LSM14A: variants seen among roughly 807,000 people sequenced by gnomAD.
LSM14A encodes protein LSM14 homolog A.
LSM14A carries 14 observed loss-of-function variants against 52.4 expected under a neutral mutation model. The ratio of observed to expected loss-of-function variants is 0.27; its 90% confidence interval spans 0.18 to 0.42. The LOEUF is 0.42. LSM14A is among the 10% of genes least tolerant of loss of function. The pLI, the probability that LSM14A is intolerant of heterozygous loss-of-function variation, is 1.00. For synonymous variants in LSM14A, 185 were observed against 200.3 expected, an observed-to-expected ratio of 0.92 and a Z score of 0.64; for missense variants, 417 against 581.8, an observed-to-expected ratio of 0.72 and a Z score of 2.91.
intron 1 of LSM14A, among the ~76,000 whole-genome samples, chr19:34,187,120 A>T (rs1271138241): frequency 6.6e-6 from 1 of 151,562 alleles, no homozygotes; most frequent in Non-Finnish European, 1.5e-5. Context: ...GTAGTGGTGC[A>T]CACCTGTAGT....
chr19:34,178,552 ATCT>A (rs1164862412), intron 1 of LSM14A, among the ~76,000 whole-genome samples: 14 of 152,140 alleles, frequency 9.2e-5, no homozygotes, highest in Admixed American at 3.9e-4. Flanking sequence ...CTTACACTTA[ATCT>A]TCTTTGCTTA....
At chr19:34,201,633 G>A (rs979742275) in intron 3 of LSM14A, among the ~76,000 whole-genome samples, 9 of 152,094 alleles carry the variant, frequency 5.9e-5, no homozygotes, top group Non-Finnish European at 1.3e-4. Flanking sequence ...GAGCCACCAT[G>A]CCCAGCCAAA....
intron 6 of LSM14A, among the ~76,000 whole-genome samples, chr19:34,216,281 C>T (rs1475710660): frequency 2.6e-5 from 4 of 151,414 alleles, no homozygotes; most frequent in African/African-American, 4.8e-5. Context: ...GGCGCAGTGG[C>T]GGGCGCCTGT....
chr19:34,199,939 C>T (rs146961612), intron 3 of LSM14A, among the ~76,000 whole-genome samples: 199 of 152,322 alleles, frequency 1.3e-3, no homozygotes, highest in African/African-American at 4.4e-3. Context: ...TATCATCCCA[C>T]AATTTACAAA....
At chr19:34,210,048 A>G (rs1031367541) in intron 4 of LSM14A, among the ~76,000 whole-genome samples, 2 of 151,962 alleles carry the variant, frequency 1.3e-5, no homozygotes, top group Non-Finnish European at 1.5e-5. Context: ...CACTTTAGAA[A>G]TGGGTATTTT....
chr19:34,192,688 A>G (rs35632841), intron 1 of LSM14A, among the ~76,000 whole-genome samples: 20,142 of 149,048 alleles, frequency 0.14, 1,707 homozygotes, highest in Middle Eastern at 0.26. Context: ...TAAAAATACT[A>G]AGGGGGCCAG....
At chr19:34,197,023 T>G (rs2145667298) in intron 3 of LSM14A, among the ~76,000 whole-genome samples, 1 of 152,100 alleles carries the variant, frequency 6.6e-6, no homozygotes, top group East Asian at 1.9e-4. Flanking sequence ...ATATCCAATA[T>G]CTACCAAATC....
chr19:34,217,613 CCCCG>C lies in LSM14A; in HGVS notation c.782-1777_782-1774del, dbSNP rs1237244680. On this transcript the variant is annotated intron_variant, in intron 6 of 9. Transcript: ENST00000544216. ...ATATATATATTTTTATATCCCCCCC[CCCCG>C]TGTTTTTTTTTTTTTTTTTTTTTTT... 1.1e-4 allele frequency among the ~76,000 whole-genome samples: 6 copies of C among 56,352 alleles called. 1 individual carries two copies. Among genetic ancestry groups the C allele is most frequent in the Non-Finnish European group, 1.0e-4 (3 of 29,550 alleles). The allele number at this position is 56,352 out of a possible 152,430, so 37.0% of individuals were successfully genotyped here. A position where few individuals can be genotyped will look rare whatever the true frequency, so the allele number is the denominator to read the frequency against.
rs1213821459 is a variant in LSM14A at position 34,227,381 on chromosome 19, CT to C, written c.1386del (p.Ala463HisfsTer8). The C allele has an allele frequency of 3.1e-6, 5 of 1,596,656 alleles. No individual in the cohort carries two copies. The highest frequency in any genetic ancestry group is 4.3e-6 in the Non-Finnish European group (5 of 1,173,150). On this transcript the variant is annotated frameshift_variant, in exon 10 of 10. Transcript: ENST00000544216. LOFTEE classifies it high-confidence loss of function. The part of the protein sequence containing the change: ...DFEYRKDNKV[A>X]A Reference sequence around the variant, plus strand: ...CTTTTTTAGAAAGACAACAAAGTTGCTGCATAGTCTACAAACAAGTCTCTGA... The same window carrying C: ...CTTTTTTAGAAAGACAACAAAGTTGCGCATAGTCTACAAACAAGTCTCTGA...
intron 1 of LSM14A, among the ~76,000 whole-genome samples, chr19:34,193,551 C>T (rs1052914337): frequency 2.0e-5 from 3 of 152,142 alleles, no homozygotes; most frequent in African/African-American, 7.2e-5. Context: ...TACTGTGTTG[C>T]AGGTGGTCCC....
chr19:34,228,674 G>T lies in LSM14A; in HGVS notation c.*1286G>T, dbSNP rs2073459491. On this transcript the variant is annotated 3_prime_UTR_variant, in exon 10 of 10. Coordinates refer to ENST00000544216, the MANE Select transcript of LSM14A (RefSeq NM_015578.4). ...TAGTGGGAAAAATCTGGCCACTTTT[G>T]TGTTTTTATGAAGGCCATGGAATAA... The T allele has an allele frequency of 6.6e-6, 1 of 152,500 alleles. No homozygotes were observed. The highest frequency in any genetic ancestry group is 6.5e-5 in the Admixed American group (1 of 15,274). 9.4% of individuals were successfully genotyped at this position (152,500 alleles called of 1,614,324 possible).
chr19:34,219,953 TTTAATGAATACTACCATAA>T, intron 8 of LSM14A, 76 bp downstream of exon 8: 1 of 1,035,650 alleles, frequency 9.7e-7, no homozygotes, highest in Non-Finnish European at 1.5e-6. Context: ...ATTCACGAGG[TTTAATGAATACTACCATAA>T]TTGTTTTGTT....
At chr19:34,216,720 A>G (rs1568497505) in intron 6 of LSM14A, among the ~76,000 whole-genome samples, 1 of 152,080 alleles carries the variant, frequency 6.6e-6, no homozygotes. Context: ...AGCCTCCCGA[A>G]GTATTGGGAT....
At chr19:34,187,157 G>T (rs1308316549) in intron 1 of LSM14A, among the ~76,000 whole-genome samples, 3 of 151,418 alleles carry the variant, frequency 2.0e-5, no homozygotes, top group African/African-American at 7.3e-5. Context: ...GCTGAGGCAG[G>T]AGAATTACTT....
intron 4 of LSM14A, among the ~76,000 whole-genome samples, chr19:34,212,430 A>C (rs1467135566): frequency 6.6e-6 from 1 of 152,196 alleles, no homozygotes; most frequent in Non-Finnish European, 1.5e-5. Context: ...GTCACTCTAG[A>C]TTCTTTCCCT....
At chr19:34,217,854 C>T (rs2072766696) in intron 6 of LSM14A, among the ~76,000 whole-genome samples, 1 of 151,464 alleles carries the variant, frequency 6.6e-6, no homozygotes, top group South Asian at 2.1e-4. Flanking sequence ...AGCTCCCCTC[C>T]CAAAATAAAA....
At chr19:34,211,550 G>A (rs748874700) in intron 4 of LSM14A, among the ~76,000 whole-genome samples, 2 of 152,078 alleles carry the variant, frequency 1.3e-5, no homozygotes, top group African/African-American at 2.4e-5. Flanking sequence ...ACTTAGGGAG[G>A]CAAAGCCAGG....
At chr19:34,186,586 A>C (rs750230059) in intron 1 of LSM14A, among the ~76,000 whole-genome samples, 1 of 152,154 alleles carries the variant, frequency 6.6e-6, no homozygotes, top group Admixed American at 6.5e-5. Flanking sequence ...CTGTTTCTCT[A>C]TAAAACCTGA....
rs373654097 is a variant in LSM14A, at chr19:34,196,539, T to G, written c.286-95T>G. The stretch of plus-strand genomic sequence containing the variant: ...CATTTTATATCTAGTAGTTATAATT[T>G]AATAGTTTTCTTAAAAGTAAAAATC... On this transcript the variant is annotated intron_variant, in intron 2 of 9. Coordinates refer to ENST00000544216, the MANE Select transcript of LSM14A (RefSeq NM_015578.4). 470 of 1,227,468 alleles carry G rather than the reference T, an allele frequency of 3.8e-4. 1 individual carries two copies. Among genetic ancestry groups the G allele is most frequent in the South Asian group, 3.7e-3 (206 of 55,648 alleles). The allele number at this position is 1,227,468 out of a possible 1,614,324, so 76.0% of individuals were successfully genotyped here. A position where few individuals can be genotyped will look rare whatever the true frequency, so the allele number is the denominator to read the frequency against.
Sources: allele counts gnomAD v4.1 joint callset (sites outside exome capture counted in the v4.1 genomes callset), GRCh38; gene constraint gnomAD v4.1.1; transcripts MANE v1.5; gene names NCBI Gene and HGNC (gene_info 2026-07-23, HGNC 2026-07-21).